RFX3: variants seen among roughly 807,000 people sequenced by gnomAD.
The protein encoded by RFX3 is transcription factor RFX3.
RFX3 carries 14 observed loss-of-function variants against 98.6 expected under a neutral mutation model. That is an observed-to-expected ratio of 0.14 (90% CI 0.09 to 0.22). The LOEUF is 0.22. Among genes scored for constraint, RFX3 ranks in the 10% least tolerant of loss-of-function variants. The probability of loss-of-function intolerance (pLI) is 1.00; values close to 1 mark genes in which losing one functional copy is unlikely to be tolerated. For synonymous variants in RFX3, 383 were observed against 328.4 expected, an observed-to-expected ratio of 1.17 and a Z score of -1.80; for missense variants, 639 against 926.9, an observed-to-expected ratio of 0.69 and a Z score of 4.03.
At chr9:3,368,147 A>G (rs1837417581) in intron 2 of RFX3, among the ~76,000 whole-genome samples, 1 of 152,174 alleles carries the variant, frequency 6.6e-6, no homozygotes, top group South Asian at 2.1e-4. Context: ...TGCATAATAT[A>G]TTACCTTTCT....
chr9:3,400,688 TC>T (rs2132021518), intron 1 of RFX3, among the ~76,000 whole-genome samples: 1 of 152,334 alleles, frequency 6.6e-6, no homozygotes, highest in Non-Finnish European at 1.5e-5. Context: ...ATCAATCATA[TC>T]CCTTCCACAG....
At chr9:3,325,057 G>C (rs1831759346) in intron 4 of RFX3, among the ~76,000 whole-genome samples, 1 of 152,092 alleles carries the variant, frequency 6.6e-6, no homozygotes, top group African/African-American at 2.4e-5. Context: ...GGGTGAGAGA[G>C]ACTCATGTAC....
chr9:3,306,980 G>A (rs1485600478), intron 4 of RFX3, among the ~76,000 whole-genome samples: 2 of 152,050 alleles, frequency 1.3e-5, no homozygotes, highest in Non-Finnish European at 2.9e-5. Flanking sequence ...ACTGCATAAT[G>A]GGGGCGGGTC....
intron 1 of RFX3, among the ~76,000 whole-genome samples, chr9:3,458,763 A>G (rs1457391672): frequency 6.6e-6 from 1 of 152,162 alleles, no homozygotes. Flanking sequence ...TGCTTAATAG[A>G]TATTTATTAT....
At chr9:3,292,626 A>T (rs1282657785) in intron 6 of RFX3, among the ~76,000 whole-genome samples, 1 of 152,218 alleles carries the variant, frequency 6.6e-6, no homozygotes. Context: ...CCCAACAGTT[A>T]TTTATAAAGA....
At chr9:3,490,587 G>C (rs1587846494) in intron 1 of RFX3, among the ~76,000 whole-genome samples, 1 of 151,866 alleles carries the variant, frequency 6.6e-6, no homozygotes, top group Non-Finnish European at 1.5e-5. Context: ...AGTTTTCAAA[G>C]AACTATAATT....
intron 1 of RFX3, among the ~76,000 whole-genome samples, chr9:3,503,935 C>G (rs746122814): frequency 6.6e-6 from 1 of 151,396 alleles, no homozygotes; most frequent in Non-Finnish European, 1.5e-5. Context: ...TTTCTATTTG[C>G]CTATTATTGT....
At chr9:3,458,605 T>C (rs929959801) in intron 1 of RFX3, among the ~76,000 whole-genome samples, 4 of 152,192 alleles carry the variant, frequency 2.6e-5, no homozygotes, top group Non-Finnish European at 5.9e-5. Flanking sequence ...TGTTTTCCTA[T>C]AGGTGACAAA....
At chr9:3,254,255 G>A (rs1461829472) in intron 14 of RFX3, among the ~76,000 whole-genome samples, 1 of 149,056 alleles carries the variant, frequency 6.7e-6, no homozygotes, top group Non-Finnish European at 1.5e-5. Context: ...TTTCTAAAAT[G>A]ACATCAACTA....
chr9:3,263,487 G>A (rs894757425), intron 12 of RFX3, among the ~76,000 whole-genome samples: 6 of 152,092 alleles, frequency 3.9e-5, no homozygotes, highest in African/African-American at 1.4e-4. Context: ...GTAGGGATGT[G>A]CAGTTTGCCC....
At chr9:3,366,693 C>CTTTCTTTCTTTCTTTCTTTCTTT (rs1554681220) in intron 2 of RFX3, among the ~76,000 whole-genome samples, 6 of 85,452 alleles carry the variant, frequency 7.0e-5, no homozygotes, top group Middle Eastern at 5.5e-3. Flanking sequence ...TTCTTTCTTT[C>CTTTCTTTCTTTCTTTCTTTCTTT]CTTTCTTTCT....
intron 1 of RFX3, among the ~76,000 whole-genome samples, chr9:3,438,831 C>T (rs774739706): frequency 9.9e-5 from 15 of 151,692 alleles, no homozygotes; most frequent in South Asian, 2.1e-4. Flanking sequence ...TTCATCAAGA[C>T]GACATAATAA....
intron 3 of RFX3, among the ~76,000 whole-genome samples, chr9:3,345,630 T>C (rs1045353838): frequency 1.3e-5 from 2 of 152,174 alleles, no homozygotes; most frequent in Non-Finnish European, 2.9e-5. Context: ...TCCCCTTCCA[T>C]GGTAACAATA....
At position 3,346,684 on chromosome 9, in the gene RFX3, G is replaced by C; in HGVS notation, c.198C>G (p.Val66=). The C allele has an allele frequency of 1.2e-6, 2 of 1,608,318 alleles. No individual in the cohort carries two copies. Among genetic ancestry groups the C allele is most frequent in the Non-Finnish European group, 1.7e-6 (2 of 1,174,778 alleles). ...QVQYVEGSDT[V]YTNGAIRTTT... is the part of the protein sequence containing the mutation. Reference sequence around the variant, plus strand: ...AAACTTACATTGCTCCATTGGTATAGACAGTATCGCTTCCTTCCACATACT... The same window carrying C: ...AAACTTACATTGCTCCATTGGTATACACAGTATCGCTTCCTTCCACATACT... Residue 66 remains valine (V), a synonymous_variant, in exon 3 of 17, where the codon GTC becomes GTG. Transcript: ENST00000617270.
chr9:3,385,136 A>C lies in RFX3; in HGVS notation c.117+10336T>G, dbSNP rs114754312. 2.3e-3 allele frequency among the ~76,000 whole-genome samples: 344 copies of C among 152,294 alleles called. 3 individuals carry two copies. Among genetic ancestry groups the C allele is most frequent in the African/African-American group, 7.9e-3 (329 of 41,580 alleles). On this transcript the variant is annotated intron_variant, in intron 2 of 16. Coordinates refer to ENST00000617270, the MANE Select transcript of RFX3 (RefSeq NM_001282116.2). ...AATAATTCTTCTAATTTGCTATGGC[A>C]AAAGGGTAGGTGCTCTGTTTAAATT...
chr9:3,478,018 T>C (rs963506857), intron 1 of RFX3, among the ~76,000 whole-genome samples: 3 of 152,154 alleles, frequency 2.0e-5, no homozygotes, highest in African/African-American at 7.2e-5. Context: ...ATTGATACTC[T>C]TTCTCTGGTG....
chr9:3,312,909 G>A (rs960622109), intron 4 of RFX3, among the ~76,000 whole-genome samples: 2 of 152,364 alleles, frequency 1.3e-5, no homozygotes, highest in Non-Finnish European at 2.9e-5. Context: ...AAGGAGGCCT[G>A]CCTGCCTCTG....
At position 3,488,368 on chromosome 9, in the gene RFX3, C is replaced by T. The variant is rs140175376; in HGVS notation, c.-9+37379G>A. Among the ~76,000 whole-genome samples the T allele has an allele frequency of 9.8e-3, 1,495 of 152,156 alleles. 22 individuals carry two copies. Among genetic ancestry groups the T allele is most frequent in the African/African-American group, 0.034 (1,432 of 41,526 alleles). Reference sequence around the variant, plus strand: ...TTTTAATAAAAGTATACTATGGAAACGCTTTTCTGCAAATCCATAAAAAGA... The same window carrying T: ...TTTTAATAAAAGTATACTATGGAAATGCTTTTCTGCAAATCCATAAAAAGA... On this transcript the variant is annotated intron_variant, in intron 1 of 16. Transcript: ENST00000617270.
chr9:3,451,640 A>C (rs979393319), intron 1 of RFX3, among the ~76,000 whole-genome samples: 8 of 152,188 alleles, frequency 5.3e-5, no homozygotes, highest in African/African-American at 1.7e-4. Context: ...GCCCTCAGGA[A>C]GGTGGAACAT....
Sources: allele counts gnomAD v4.1 joint callset (sites outside exome capture counted in the v4.1 genomes callset), GRCh38; gene constraint gnomAD v4.1.1; transcripts MANE v1.5; gene names NCBI Gene and HGNC (gene_info 2026-07-23, HGNC 2026-07-21).